Variants in CELF2 observed in about 807,000 individuals in gnomAD.
CELF2 encodes CUGBP Elav-like family member 2.
CELF2 carries 8 observed loss-of-function variants against 62.6 expected under a neutral mutation model. That is an observed-to-expected ratio of 0.13 (90% confidence interval 0.07 to 0.23). The LOEUF is 0.23. Among genes scored for constraint, CELF2 ranks in the 10% least tolerant of loss-of-function variants. CELF2 has a pLI of 1.00. For synonymous variants in CELF2, 258 were observed against 250.0 expected, an observed-to-expected ratio of 1.03 and a Z score of -0.30; for missense variants, 333 against 671.0, an observed-to-expected ratio of 0.50 and a Z score of 5.56.
At chr10:11,154,036 A>G (rs2063826289) in intron 1 of CELF2, among the ~76,000 whole-genome samples, 2 of 152,226 alleles carry the variant, frequency 1.3e-5, no homozygotes, top group African/African-American at 2.4e-5. Context: ...ATATAAACAC[A>G]TGATCATCTG....
At chr10:10,576,201 G>A in the CELF2 span, among the ~76,000 whole-genome samples, 144 of 152,236 alleles carry the variant, frequency 9.5e-4, no homozygotes, top group African/African-American at 3.1e-3. Context: ...GGGGGGCTAC[G>A]GGTATAAAAG....
At chr10:11,171,186 G>A (rs1350573990) in intron 2 of CELF2, 2 of 152,172 alleles carry the variant, frequency 1.3e-5, no homozygotes, top group Non-Finnish European at 2.9e-5. Flanking sequence ...CAACTGCATC[G>A]CAACAGTACT....
the CELF2 span, among the ~76,000 whole-genome samples, chr10:10,537,856 GA>G: frequency 2.9e-4 from 44 of 152,294 alleles, no homozygotes; most frequent in East Asian, 8.1e-3. Flanking sequence ...CCAGGGAAAA[GA>G]CAGACCTGAC....
At position 11,270,789 on chromosome 10, in the gene CELF2, A is replaced by C; in HGVS notation, c.742A>C (p.Thr248Pro). The change falls in exon 7 of 13, where the codon ACA (threonine) becomes CCA (proline). Residue 248 changes from threonine (T) to proline (P), a missense_variant. Thr to Pro is a conservative substitution (Grantham distance 38). Around this residue, in one of 3 missense-constraint regions of CELF2, gnomAD observed 253 missense variants for 503.0 expected, o/e 0.50. Transcript: ENST00000633077. This position sits in a 1 kb window ranked among gnomAD's most constrained non-coding sequence, Gnocchi z 5.8. ...QLNTATWGNL[T>P]GLGGLTPQYL... The stretch of plus-strand genomic sequence containing the variant: ...CAACACTGCCACCTGGGGGAACCTG[A>C]CAGGGCTGGGCGGACTGACCCCACA... 6.5e-7 allele frequency: 1 copy of C among 1,530,874 alleles called. No individual in the cohort carries two copies. The highest frequency in any genetic ancestry group is 8.8e-7 in the Non-Finnish European group (1 of 1,133,682). The allele number at this position is 1,530,874 out of a possible 1,614,324, so 94.8% of individuals were successfully genotyped here. A position where few individuals can be genotyped will look rare whatever the true frequency, so the allele number is the denominator to read the frequency against.
At chr10:10,742,884 A>C in the CELF2 span, among the ~76,000 whole-genome samples, 1 of 152,236 alleles carries the variant, frequency 6.6e-6, no homozygotes, top group African/African-American at 2.4e-5. Context: ...CTTCATGAGA[A>C]GGAGAAATTC....
chr10:10,591,336 A>C, the CELF2 span, among the ~76,000 whole-genome samples: 1 of 152,186 alleles, frequency 6.6e-6, no homozygotes, highest in African/African-American at 2.4e-5. Flanking sequence ...ATAATATCAA[A>C]AGTTACATTT....
intron 1 of CELF2, among the ~76,000 whole-genome samples, chr10:10,895,738 T>C (rs974909976): frequency 2.6e-5 from 4 of 152,162 alleles, no homozygotes; most frequent in Non-Finnish European, 4.4e-5. Context: ...GCAAAATATA[T>C]TAAATACATT....
At chr10:10,952,368 C>T (rs2048417161) in intron 2 of CELF2, 3 of 152,174 alleles carry the variant, frequency 2.0e-5, no homozygotes, top group African/African-American at 7.2e-5. Context: ...GACCAAACCC[C>T]AAAGATAGGA....
intron 1 of CELF2, among the ~76,000 whole-genome samples, chr10:11,128,473 G>T (rs1367891966): frequency 6.6e-6 from 1 of 152,140 alleles, no homozygotes; most frequent in East Asian, 1.9e-4. Flanking sequence ...TGGGCAGTAT[G>T]GCCATTTTCA....
At chr10:10,543,520 G>T in the CELF2 span, among the ~76,000 whole-genome samples, 1 of 152,156 alleles carries the variant, frequency 6.6e-6, no homozygotes, top group South Asian at 2.1e-4. Context: ...AACACAGCTG[G>T]CTGTGCACCA....
the CELF2 span, among the ~76,000 whole-genome samples, chr10:10,479,514 A>G: frequency 1.7e-4 from 26 of 152,278 alleles, no homozygotes; most frequent in African/African-American, 6.3e-4. Flanking sequence ...TGGAAACGCG[A>G]TAAGTATCGT....
At chr10:10,689,994 AG>A in the CELF2 span, among the ~76,000 whole-genome samples, 1 of 152,242 alleles carries the variant, frequency 6.6e-6, no homozygotes, top group Non-Finnish European at 1.5e-5. Context: ...AGAATATACA[AG>A]ATTGAGAATG....
chr10:10,837,424 C>T (rs1029260845), intron 1 of CELF2, among the ~76,000 whole-genome samples: 1 of 152,184 alleles, frequency 6.6e-6, no homozygotes, highest in African/African-American at 2.4e-5. Context: ...ATGACCCAGT[C>T]TCAGGTATGT....
the CELF2 span, among the ~76,000 whole-genome samples, chr10:10,562,693 C>T: frequency 6.6e-6 from 1 of 151,362 alleles, no homozygotes; most frequent in African/African-American, 2.5e-5. Flanking sequence ...CTCACAGTTT[C>T]TACTGCATTG....
chr10:10,769,293 T>A, the CELF2 span, among the ~76,000 whole-genome samples: 114 of 152,226 alleles, frequency 7.5e-4, 1 homozygote, highest in Non-Finnish European at 1.5e-3. Context: ...GATTGGTCCA[T>A]CAATGAATGA....
At chr10:10,943,183 C>T (rs574454149) in intron 2 of CELF2, among the ~76,000 whole-genome samples, 2 of 152,152 alleles carry the variant, frequency 1.3e-5, no homozygotes, top group Non-Finnish European at 2.9e-5. Flanking sequence ...CCCATCTCTC[C>T]AACTGATGTC....
the CELF2 span, among the ~76,000 whole-genome samples, chr10:10,536,417 CT>C: frequency 6.6e-6 from 1 of 152,218 alleles, no homozygotes; most frequent in Non-Finnish European, 1.5e-5. Context: ...ATAAATACCC[CT>C]AATGCTTTTG....
At chr10:10,814,538 A>G (rs1330089319) in intron 1 of CELF2, among the ~76,000 whole-genome samples, 1 of 152,202 alleles carries the variant, frequency 6.6e-6, no homozygotes, top group East Asian at 1.9e-4. Flanking sequence ...AGAGAAGCCC[A>G]CATTTCCCAC....
chr10:11,219,507 C>G (rs1366986488), intron 3 of CELF2, among the ~76,000 whole-genome samples: 1 of 152,176 alleles, frequency 6.6e-6, no homozygotes, highest in African/African-American at 2.4e-5. Context: ...TATCTAGTTT[C>G]ATATGCCCAA....
Sources: gnomAD v4.1 joint callset for allele counts (sites outside exome capture counted in the v4.1 genomes callset) on GRCh38, gnomAD v4.1.1 for gene constraint, gnomAD v4.1.1 regional missense constraint, Gnocchi (gnomAD v3.1) non-coding constraint, MANE v1.5 for transcripts, NCBI Gene and HGNC (gene_info 2026-07-23, HGNC 2026-07-21) for gene names.